DENND5B: variants seen among roughly 807,000 people sequenced by gnomAD.
DENND5B encodes the protein DENN domain containing 5B, also known as DENN domain-containing protein 5B.
Under a neutral mutation model 140.6 loss-of-function variants are expected in DENND5B, and 34 were observed. The observed-to-expected ratio is 0.24, with a 90% confidence interval of 0.18 to 0.32. The LOEUF (loss-of-function observed/expected upper bound fraction) is 0.32. Among genes scored for constraint, DENND5B ranks in the 10% least tolerant of loss-of-function variants. The probability of loss-of-function intolerance (pLI) is 1.00; values close to 1 mark genes in which losing one functional copy is unlikely to be tolerated. For missense variants in DENND5B, 1,142 were observed against 1,560.2 expected, an observed-to-expected ratio of 0.73 and a Z score of 4.52; for synonymous variants, 551 against 562.1, an observed-to-expected ratio of 0.98 and a Z score of 0.28.
chr12:31,389,446 A>C lies in DENND5B; in HGVS notation c.3519T>G (p.Asp1173Glu), dbSNP rs1941013678. The C allele has an allele frequency of 6.2e-7, 1 of 1,604,424 alleles. No homozygotes were observed. Among genetic ancestry groups the C allele is most frequent in the African/African-American group, 1.3e-5 (1 of 74,988 alleles). The change falls in exon 20 of 21, where the codon GAT becomes GAG. Residue 1173 changes from aspartate (D) to glutamate (E), a missense_variant. Around this residue, in one of 5 missense-constraint regions of DENND5B, gnomAD observed 125 missense variants for 179.0 expected, o/e 0.70. Coordinates refer to ENST00000389082, the MANE Select transcript of DENND5B (RefSeq NM_144973.4). The part of the protein sequence containing the change: ...ETTDQILDNE[D>E]DVLIQKSSCK... ...AGGATGATTTCTGAATAAGGACATCATCTTCATTATCTAGAATCTGGTCAG... is the reference window on the plus strand; with the variant it reads ...AGGATGATTTCTGAATAAGGACATCCTCTTCATTATCTAGAATCTGGTCAG...
chr12:31,434,774 T>A (rs1943666475), intron 7 of DENND5B, among the ~76,000 whole-genome samples: 1 of 152,186 alleles, frequency 6.6e-6, no homozygotes, highest in African/African-American at 2.4e-5. Context: ...TGGGGTCGTC[T>A]AACATGCAAC....
intron 1 of DENND5B, among the ~76,000 whole-genome samples, chr12:31,556,916 G>A (rs1397666843): frequency 6.6e-6 from 1 of 152,120 alleles, no homozygotes; most frequent in African/African-American, 2.4e-5. Flanking sequence ...CATTAAAAAT[G>A]TGTGCAAAGA....
intron 1 of DENND5B, among the ~76,000 whole-genome samples, chr12:31,576,814 C>T (rs1020624598): frequency 1.3e-5 from 2 of 151,234 alleles, no homozygotes; most frequent in Non-Finnish European, 2.9e-5. Flanking sequence ...TCACTTGAGC[C>T]CAGGAGTTTG....
intron 8 of DENND5B, chr12:31,426,686 A>G (rs961289769): frequency 3.3e-6 from 1 of 307,332 alleles, no homozygotes; most frequent in Non-Finnish European, 6.1e-6. Flanking sequence ...ATGACATTTC[A>G]TTTCATTTAG....
At chr12:31,487,734 T>C (rs1946366167) in intron 2 of DENND5B, among the ~76,000 whole-genome samples, 1 of 152,030 alleles carries the variant, frequency 6.6e-6, no homozygotes, top group Non-Finnish European at 1.5e-5. Context: ...CAAAAAACCC[T>C]AAAAACCCAA....
At chr12:31,577,791 G>T (rs3887250) in intron 1 of DENND5B, among the ~76,000 whole-genome samples, 2 of 149,714 alleles carry the variant, frequency 1.3e-5, no homozygotes. Context: ...CTATATTTAA[G>T]GATTCAGCAC....
intron 1 of DENND5B, among the ~76,000 whole-genome samples, chr12:31,582,292 G>T (rs551578694): frequency 1.3e-5 from 2 of 152,124 alleles, no homozygotes; most frequent in African/African-American, 4.8e-5. Flanking sequence ...CAAGACAGAC[G>T]AGAACACTGA....
chr12:31,504,142 A>T (rs1234161481), intron 1 of DENND5B, among the ~76,000 whole-genome samples: 1 of 152,228 alleles, frequency 6.6e-6, no homozygotes, highest in Non-Finnish European at 1.5e-5. Flanking sequence ...GTAAATCACC[A>T]TTTATATAAA....
intron 1 of DENND5B, among the ~76,000 whole-genome samples, chr12:31,569,314 C>G (rs1949735428): frequency 6.6e-6 from 1 of 152,148 alleles, no homozygotes; most frequent in Non-Finnish European, 1.5e-5. Context: ...AGCAATTCAC[C>G]TGCCTCCCAA....
rs1351590781 is a variant in DENND5B, at chr12:31,452,141, A to C, written c.1428T>G (p.Ser476=). The C allele has an allele frequency of 1.2e-6, 2 of 1,613,862 alleles. No individual in the cohort carries two copies. The highest frequency in any genetic ancestry group is 3.3e-5 in the Admixed American group (2 of 60,006). The change falls in exon 5 of 21, where the codon TCT becomes TCG. Residue 476 remains serine, a synonymous_variant. Transcript: ENST00000389082. Reference sequence around the variant, plus strand: ...TTAAATCCTTGTCTTTTTCACCCAGAGAAGCAGAGAGGTCCATTTTTTCCA... The same window carrying C: ...TTAAATCCTTGTCTTTTTCACCCAGCGAAGCAGAGAGGTCCATTTTTTCCA... The part of the protein sequence containing the change: ...VAVEKMDLSA[S]LGEKDKDLKL...
chr12:31,511,816 C>A (rs1337316820), intron 1 of DENND5B, among the ~76,000 whole-genome samples: 1 of 151,046 alleles, frequency 6.6e-6, no homozygotes, highest in Non-Finnish European at 1.5e-5. Context: ...ATTTTTAAGT[C>A]ACTTATTTAA....
rs552952411 is a variant in DENND5B, at chr12:31,515,280, G to A, written c.128-19361C>T. On this transcript the variant is annotated intron_variant, in intron 1 of 20. Transcript: ENST00000389082. The stretch of plus-strand genomic sequence containing the variant: ...TGATTGTGCCACTGCACTTCAGCTT[G>A]GGTGACAGAGTGAGACCCCATCTCT... Among the ~76,000 whole-genome samples the A allele has an allele frequency of 3.2e-4, 49 of 152,252 alleles. No individual in the cohort carries two copies. In the South Asian group the frequency reaches 9.1e-3, roughly 28 times the overall value.
chr12:31,503,908 T>A (rs1347334068), intron 1 of DENND5B, among the ~76,000 whole-genome samples: 1 of 152,170 alleles, frequency 6.6e-6, no homozygotes, highest in Non-Finnish European at 1.5e-5. Context: ...CCCAGAAGCC[T>A]AGTTTTAAAC....
At position 31,576,759 on chromosome 12, in the gene DENND5B, C is replaced by T. The variant is rs1252430456; in HGVS notation, c.127+13947G>A. On this transcript the variant is annotated intron_variant, in intron 1 of 20. Coordinates refer to ENST00000389082, the MANE Select transcript of DENND5B (RefSeq NM_144973.4). ...TTTTTTAATTAGCTGGTCATGGTGGCGCACAGCCGTGGTCTCAGCTTCTCA... is the reference window on the plus strand; with the variant it reads ...TTTTTTAATTAGCTGGTCATGGTGGTGCACAGCCGTGGTCTCAGCTTCTCA... Among the ~76,000 whole-genome samples, 5 of 151,686 alleles carry T rather than the reference C, an allele frequency of 3.3e-5. No homozygotes were observed. The South Asian group carries it at 1.0e-3, about 32-fold the overall frequency.
intron 11 of DENND5B, among the ~76,000 whole-genome samples, chr12:31,423,266 T>C (rs1222964336): frequency 6.6e-6 from 1 of 152,100 alleles, no homozygotes; most frequent in African/African-American, 2.4e-5. Flanking sequence ...AAAAAAAAAT[T>C]CTAATGCTAG....
Position 31,590,809 on chromosome 12 carries a change from G to A in DENND5B, c.24C>T (p.Pro8=), listed in dbSNP as rs1268733729. 10 of 1,299,352 alleles carry A rather than the reference G, an allele frequency of 7.7e-6. No homozygotes were observed. Among genetic ancestry groups the A allele is most frequent in the Non-Finnish European group, 8.8e-6 (9 of 1,026,642 alleles). The allele number at this position is 1,299,352 out of a possible 1,614,324, so 80.5% of individuals were successfully genotyped here. A position where few individuals can be genotyped will look rare whatever the true frequency, so the allele number is the denominator to read the frequency against. Residue 8 remains proline (P), a synonymous_variant, in exon 1 of 21, where the codon CCC becomes CCT. Transcript: ENST00000389082. The stretch of plus-strand genomic sequence containing the variant: ...CCGGGGAGGAGCCCGAGCCCGGGCC[G>A]GGCGCCGCGCAGCTCCCGCTCATCC... The part of the protein sequence containing the change: MSGSCAA[P]GPGSGSSPAA...
At chr12:31,433,317 CA>C (rs1943601289) in intron 7 of DENND5B, 69 bp from the exon 8 acceptor site, 1 of 1,323,848 alleles carries the variant, frequency 7.6e-7, no homozygotes, top group Non-Finnish European at 1.0e-6. Flanking sequence ...CCATTCAACA[CA>C]AAAGACTGAC....
At chr12:31,452,947 CATG>C (rs911479388) in intron 4 of DENND5B, among the ~76,000 whole-genome samples, 1 of 152,160 alleles carries the variant, frequency 6.6e-6, no homozygotes, top group African/African-American at 2.4e-5. Flanking sequence ...CTTACAAATA[CATG>C]ATATTAGGTA....
chr12:31,555,269 T>A (rs1259396), intron 1 of DENND5B, among the ~76,000 whole-genome samples: 121,036 of 152,182 alleles, frequency 0.8, 48,577 homozygotes, highest in African/African-American at 0.89. Context: ...TTTTCCTTCT[T>A]ACAGACAGGA....
Sources: allele counts gnomAD v4.1 joint callset (sites outside exome capture counted in the v4.1 genomes callset), GRCh38; gene constraint gnomAD v4.1.1; regional missense constraint gnomAD v4.1.1; transcripts MANE v1.5; gene names NCBI Gene and HGNC (gene_info 2026-07-23, HGNC 2026-07-21).